TEAD4: variants seen among roughly 807,000 people sequenced by gnomAD.
The protein encoded by TEAD4 is TEA domain transcription factor 4, also known as transcriptional enhancer factor TEF-3.
TEAD4 carries 36 observed loss-of-function variants against 52.4 expected under a neutral mutation model. The observed-to-expected ratio is 0.69, with a 90% CI of 0.53 to 0.91. TEAD4 has a LOEUF of 0.91. TEAD4 is among the 40% of genes least tolerant of loss of function. The pLI, the probability that TEAD4 is intolerant of heterozygous loss-of-function variation, is 0.00. For missense variants in TEAD4, 508 were observed against 583.9 expected, an observed-to-expected ratio of 0.87 and a Z score of 1.34; for synonymous variants, 220 against 231.0, an observed-to-expected ratio of 0.95 and a Z score of 0.43.
intron 2 of TEAD4, among the ~76,000 whole-genome samples, chr12:2,991,281 C>T (rs140526252): frequency 0.013 from 1,915 of 152,280 alleles, 18 homozygotes; most frequent in Admixed American, 0.019. Flanking sequence ...TTTGCTCAGT[C>T]GTTTCTAAAT....
Position 3,021,912 on chromosome 12 carries a change from C to T in TEAD4, c.792C>T (p.Ala264=), listed in dbSNP as rs540722728. 10 of 1,614,234 alleles carry T rather than the reference C, an allele frequency of 6.2e-6. No individual in the cohort carries two copies. Among genetic ancestry groups the T allele is most frequent in the East Asian group, 4.5e-5 (2 of 44,880 alleles). ...GCTACAGCGACCCCTACCTCGAAGC[C>T]GTGGACATCCGCCAAATCTATGACA... Residue 264 remains alanine, a synonymous_variant, in exon 10 of 13, where the codon GCC becomes GCT. Coordinates refer to ENST00000359864, the MANE Select transcript of TEAD4 (RefSeq NM_003213.4).
chr12:2,962,327 A>AATATATAAATTTAT (rs745423413), intron 2 of TEAD4, among the ~76,000 whole-genome samples: 1 of 112,774 alleles, frequency 8.9e-6, no homozygotes, highest in Non-Finnish European at 1.6e-5. Flanking sequence ...TATATATATA[A>AATATATAAATTTAT]ATATAAATAT....
At chr12:3,039,771 T>G (rs1591604789) in intron 11 of TEAD4, among the ~76,000 whole-genome samples, 1 of 152,204 alleles carries the variant, frequency 6.6e-6, no homozygotes, top group East Asian at 1.9e-4. Context: ...CACTGCAACC[T>G]CCGCCTCCCG....
At chr12:3,032,192 CCT>C (rs2098276050) in intron 10 of TEAD4, among the ~76,000 whole-genome samples, 1 of 152,196 alleles carries the variant, frequency 6.6e-6, no homozygotes, top group Non-Finnish European at 1.5e-5. Context: ...TGGCCTGTGT[CCT>C]CTCTTTCTTT....
intron 2 of TEAD4, among the ~76,000 whole-genome samples, chr12:2,969,450 C>A (rs1325544826): frequency 6.6e-6 from 1 of 152,188 alleles, no homozygotes; most frequent in Non-Finnish European, 1.5e-5. Context: ...GACTACTGTA[C>A]ATAGAGTTTC....
At chr12:3,016,748 A>T (rs191171088) in intron 5 of TEAD4, among the ~76,000 whole-genome samples, 1 of 152,216 alleles carries the variant, frequency 6.6e-6, no homozygotes, top group African/African-American at 2.4e-5. Flanking sequence ...ATAACAAACG[A>T]TTACTATTGT....
intron 3 of TEAD4, among the ~76,000 whole-genome samples, chr12:3,004,442 C>T (rs1272854851): frequency 2.0e-5 from 3 of 152,178 alleles, no homozygotes; most frequent in Non-Finnish European, 4.4e-5. Context: ...TCTAGAGTCA[C>T]GTGGTCCAGC....
rs944013878 is a variant in TEAD4 at position 3,037,883 on chromosome 12, G to C, written c.898-85G>C. The C allele has an allele frequency of 2.4e-5, 36 of 1,511,068 alleles. No individual in the cohort carries two copies. In the Admixed American group the frequency reaches 3.3e-4, roughly 14 times the overall value. 93.6% of individuals were successfully genotyped at this position (1,511,068 alleles called of 1,614,324 possible). On this transcript the variant is annotated intron_variant, in intron 10 of 12. Transcript: ENST00000359864. Reference sequence around the variant, plus strand: ...GATTTCTTCCCAGCCCTAGAGCCGGGACCGGGACCCTGAGGTCTCCTTGAT... The same window carrying C: ...GATTTCTTCCCAGCCCTAGAGCCGGCACCGGGACCCTGAGGTCTCCTTGAT...
intron 2 of TEAD4, among the ~76,000 whole-genome samples, chr12:2,976,360 T>C (rs58820753): frequency 0.84 from 125,715 of 149,958 alleles, 53,469 homozygotes; most frequent in Middle Eastern, 0.91. Flanking sequence ...CCCTGCCCCC[T>C]CCCAACCTTT....
intron 5 of TEAD4, among the ~76,000 whole-genome samples, chr12:3,014,183 G>A (rs1030847890): frequency 6.6e-6 from 1 of 152,204 alleles, no homozygotes; most frequent in African/African-American, 2.4e-5. Context: ...CACAGCCATG[G>A]AACCCAGCCC....
At chr12:2,975,257 C>A (rs2098228606) in intron 2 of TEAD4, among the ~76,000 whole-genome samples, 2 of 151,442 alleles carry the variant, frequency 1.3e-5, no homozygotes, top group Non-Finnish European at 2.9e-5. Flanking sequence ...CCCGTAGATA[C>A]ATTCTTGCCC....
chr12:3,011,116 C>A, intron 4 of TEAD4, 48 bp downstream of exon 4: 11 of 1,606,180 alleles, frequency 6.8e-6, no homozygotes, highest in Non-Finnish European at 8.5e-6. Context: ...TACCCCAGCA[C>A]CAGTCTGCTC....
intron 3 of TEAD4, among the ~76,000 whole-genome samples, chr12:2,998,072 C>T (rs893450378): frequency 2.6e-5 from 4 of 152,122 alleles, no homozygotes; most frequent in African/African-American, 7.2e-5. Context: ...CTTTAGTTAC[C>T]TCATGTAAGT....
chr12:2,968,493 G>C (rs551067954), intron 2 of TEAD4, among the ~76,000 whole-genome samples: 8 of 134,318 alleles, frequency 6.0e-5, no homozygotes, highest in Non-Finnish European at 1.1e-4. Flanking sequence ...AACCTCCCGC[G>C]CCCAAGTGAT....
chr12:2,966,272 C>A (rs2098220137), intron 2 of TEAD4, among the ~76,000 whole-genome samples: 1 of 152,120 alleles, frequency 6.6e-6, no homozygotes, highest in South Asian at 2.1e-4. Context: ...TGACTCCTAA[C>A]TCCTGAGCTT....
At chr12:3,020,173 C>T (rs1451422819) in intron 8 of TEAD4, among the ~76,000 whole-genome samples, 2 of 152,182 alleles carry the variant, frequency 1.3e-5, no homozygotes, top group African/African-American at 2.4e-5. Context: ...TGGGCCAGGC[C>T]CTGTTCTGGG....
intron 3 of TEAD4, among the ~76,000 whole-genome samples, chr12:2,998,439 C>T (rs2098249024): frequency 6.6e-6 from 1 of 151,054 alleles, no homozygotes; most frequent in Non-Finnish European, 1.5e-5. Context: ...GGGAAGCAGA[C>T]TGAAAATGGT....
intron 10 of TEAD4, among the ~76,000 whole-genome samples, chr12:3,024,213 T>C (rs1018854118): frequency 2.0e-5 from 3 of 152,052 alleles, no homozygotes; most frequent in African/African-American, 7.2e-5. Flanking sequence ...TAGCTGGGAC[T>C]ACAGGCACCC....
chr12:2,981,633 C>T (rs2098234184), intron 2 of TEAD4, among the ~76,000 whole-genome samples: 1 of 152,166 alleles, frequency 6.6e-6, no homozygotes, highest in Admixed American at 6.5e-5. Context: ...ACCCTTTTCT[C>T]TAGAGTTTAG....
Sources: gnomAD v4.1 joint callset for allele counts (sites outside exome capture counted in the v4.1 genomes callset) on GRCh38, gnomAD v4.1.1 for gene constraint, MANE v1.5 for transcripts, NCBI Gene and HGNC (gene_info 2026-07-23, HGNC 2026-07-21) for gene names.